ZNF777: variants seen among roughly 807,000 people sequenced by gnomAD.
ZNF777 encodes zinc finger protein 777.
In ZNF777, 7 loss-of-function variants were observed where a neutral mutation model predicts 72.1. The ratio of observed to expected loss-of-function variants is 0.10; its 90% CI spans 0.06 to 0.18. The LOEUF (loss-of-function observed/expected upper bound fraction) is 0.18, where lower values mean the gene tolerates loss of function less well. ZNF777 is among the 10% of genes least tolerant of loss of function. The pLI, the probability that ZNF777 is intolerant of heterozygous loss-of-function variation, is 1.00. For synonymous variants in ZNF777, 545 were observed against 483.5 expected (o/e 1.13, Z -1.67); for missense variants, 828 against 1,128.6 (o/e 0.73, Z 3.82).
At chr7:149,433,106 CG>C (rs1378260390) in intron 5 of ZNF777, among the ~76,000 whole-genome samples, 174 bp from the exon 6 acceptor site, 18 of 152,350 alleles carry the variant, frequency 1.2e-4, no homozygotes, top group African/African-American at 4.1e-4. Context: ...CCTCCCCCAA[CG>C]GGGTAGACGC....
In ZNF777 at chr7:149,460,060, G is replaced by A; in HGVS notation, c.-16+755C>T. On this transcript the variant is annotated intron_variant, in intron 1 of 5. Coordinates refer to ENST00000247930, the MANE Select transcript of ZNF777 (RefSeq NM_015694.3). This position sits in a 1 kb window ranked among gnomAD's most constrained non-coding sequence, Gnocchi z 6.1. ...TCCCAGGCCGGGCCGCCGAGCCCGG[G>A]ACACGCAGGCCGTCCCCGGGGCCCC... The A allele has an allele frequency of 1.0e-6, 1 of 982,528 alleles. No individual in the cohort carries two copies. Among genetic ancestry groups the A allele is most frequent in the Non-Finnish European group, 1.2e-6 (1 of 828,820 alleles). 60.9% of individuals were successfully genotyped at this position (982,528 alleles called of 1,614,324 possible). A position where few individuals can be genotyped will look rare whatever the true frequency, so the allele number is the denominator to read the frequency against.
chr7:149,433,118 G>A (rs1418982141), intron 5 of ZNF777, among the ~76,000 whole-genome samples, 186 bp from the exon 6 acceptor site: 1 of 152,330 alleles, frequency 6.6e-6, no homozygotes, highest in African/African-American at 2.4e-5. Context: ...GGGTAGACGC[G>A]TAACCCAGAC....
chr7:149,451,071 G>A lies in ZNF777; in HGVS notation c.1015C>T (p.Arg339Cys), dbSNP rs770757126. 32 of 1,613,786 alleles carry A rather than the reference G, an allele frequency of 2.0e-5. No individual in the cohort carries two copies. Among genetic ancestry groups the A allele is most frequent in the Middle Eastern group, 3.3e-4 (2 of 6,084 alleles). The change falls in exon 4 of 6, where the codon CGC (arginine) becomes TGC (cysteine). Residue 339 changes from arginine (R) to cysteine (C), a missense_variant. Transcript: ENST00000247930. ...TCCTGCATGGTGGGCCGCTCCCCGCGCTCCATCTGTGACATGAGGTCTGGT... is the reference window on the plus strand; with the variant it reads ...TCCTGCATGGTGGGCCGCTCCCCGCACTCCATCTGTGACATGAGGTCTGGT... The part of the protein sequence containing the change: ...SKPDLMSQME[R>C]GERPTMQEQE...
intron 3 of ZNF777, among the ~76,000 whole-genome samples, chr7:149,452,616 G>C (rs1401160530): frequency 2.1e-5 from 3 of 144,298 alleles, no homozygotes; most frequent in Admixed American, 6.9e-5. Context: ...CTGGGCAACA[G>C]AGCGAGACTC....
At chr7:149,443,788 T>C (rs1478310213) in intron 4 of ZNF777, among the ~76,000 whole-genome samples, 1 of 152,182 alleles carries the variant, frequency 6.6e-6, no homozygotes, top group African/African-American at 2.4e-5. Flanking sequence ...AGATGGGGTT[T>C]TACCATGTTG....
chr7:149,431,752 GGGCGGC>G lies in ZNF777; in HGVS notation c.*18_*23del, dbSNP rs540653810. 24 of 1,430,938 alleles carry G rather than the reference GGGCGGC, an allele frequency of 1.7e-5. No individual in the cohort carries two copies. Among genetic ancestry groups the G allele is most frequent in the Middle Eastern group, 2.1e-4 (1 of 4,714 alleles). The allele number at this position is 1,430,938 out of a possible 1,614,324, so 88.6% of individuals were successfully genotyped here. A position where few individuals can be genotyped will look rare whatever the true frequency, so the allele number is the denominator to read the frequency against. On this transcript the variant is annotated 3_prime_UTR_variant, in exon 6 of 6. Transcript: ENST00000247930. ...GGGGGCACGGCCCGCGCACCTGGCCGGGCGGCGGCGGCGGGGCGCGCGCTCACTCGC... is the reference window on the plus strand; with the variant it reads ...GGGGGCACGGCCCGCGCACCTGGCCGGGCGGCGGGGCGCGCGCTCACTCGC...
Position 149,454,244 on chromosome 7 carries a change from C to T in ZNF777, c.847-7G>A. The T allele has an allele frequency of 6.2e-7, 1 of 1,614,004 alleles. No homozygotes were observed. The highest frequency in any genetic ancestry group is 8.5e-7 in the Non-Finnish European group (1 of 1,179,968). ...CATCAAATGTGACAGGGACCTGAAACCACACAATAACTCGGCTCAGACCCG... is the reference window on the plus strand; with the variant it reads ...CATCAAATGTGACAGGGACCTGAAATCACACAATAACTCGGCTCAGACCCG... On this transcript the variant is annotated splice_region_variant and splice_polypyrimidine_tract_variant and intron_variant, in intron 2 of 5. Coordinates refer to ENST00000247930, the MANE Select transcript of ZNF777 (RefSeq NM_015694.3).
intron 4 of ZNF777, among the ~76,000 whole-genome samples, chr7:149,440,509 T>C (rs1799490416): frequency 6.6e-6 from 1 of 151,968 alleles, no homozygotes; most frequent in Admixed American, 6.6e-5. Context: ...AGGCAAGTGC[T>C]ACCATGCCCA....
At position 149,449,184 on chromosome 7, in the gene ZNF777, G is replaced by A. The variant is rs1456215883; in HGVS notation, c.1087+1815C>T. On this transcript the variant is annotated intron_variant, in intron 4 of 5. Coordinates refer to ENST00000247930, the MANE Select transcript of ZNF777 (RefSeq NM_015694.3). ...GTTTAGCACAGAGGTGCGAGTGTGC[G>A]GCCCACTCTGAGGGGCAGCGGTACC... Among the ~76,000 whole-genome samples, 12 of 152,286 alleles carry A rather than the reference G, an allele frequency of 7.9e-5. No homozygotes were observed. In the South Asian group the frequency reaches 8.3e-4, roughly 11 times the overall value.
intron 4 of ZNF777, among the ~76,000 whole-genome samples, chr7:149,439,936 T>C (rs1799478725): frequency 6.6e-6 from 1 of 152,244 alleles, no homozygotes; most frequent in East Asian, 1.9e-4. Flanking sequence ...ATATTCTTAT[T>C]GTAGAATGTA....
chr7:149,457,433 T>C (rs146524457), intron 1 of ZNF777, among the ~76,000 whole-genome samples: 3 of 152,314 alleles, frequency 2.0e-5, no homozygotes, highest in East Asian at 1.9e-4. Flanking sequence ...ATAGCCCCAG[T>C]GTTCAGTCTG....
rs1323231446 is a variant in ZNF777 at position 149,440,664 on chromosome 7, TG to T, written c.1088-3839del. Among the ~76,000 whole-genome samples the T allele has an allele frequency of 4.7e-3, 553 of 116,734 alleles. 1 individual carries two copies. Among genetic ancestry groups the T allele is most frequent in the African/African-American group, 0.018 (447 of 25,156 alleles). 76.6% of individuals were successfully genotyped at this position (116,734 alleles called of 152,430 possible). A position where few individuals can be genotyped will look rare whatever the true frequency, so the allele number is the denominator to read the frequency against. ...TGAGCCACCATGCCCAGCAGCCTGT[TG>T]TTTTTTTGTTTTTTTTTTTTTTTTT... is the stretch of plus-strand genomic sequence containing the variant. On this transcript the variant is annotated intron_variant, in intron 4 of 5. Coordinates refer to ENST00000247930, the MANE Select transcript of ZNF777 (RefSeq NM_015694.3).
rs749069728 is a variant in ZNF777 at position 149,432,379 on chromosome 7, ACCG to A, written c.1890_1892del (p.Gly632del). 48 of 1,612,688 alleles carry A rather than the reference ACCG, an allele frequency of 3.0e-5. No individual in the cohort carries two copies. The highest frequency in any genetic ancestry group is 4.1e-5 in the Non-Finnish European group (48 of 1,179,954). ...CGGGGCACTTGTAGGGCTTAGGGCC[ACCG>A]CCGCCGCTACCAGAGCTGGGTGACT... On this transcript the variant is annotated inframe_deletion, in exon 6 of 6. Transcript: ENST00000247930.
In ZNF777 at chr7:149,455,090, C is replaced by A. The variant is rs1296861825; in HGVS notation, c.846+87G>T. On this transcript the variant is annotated intron_variant, in intron 2 of 5. Transcript: ENST00000247930. The surrounding 1 kb of genome is among the most constrained non-coding windows in gnomAD (Gnocchi z 4.2). ...ACTGTATTTTTTCCTTTATCAACCA[C>A]CCCTTTCTTTCATATTACACTACAT... is the stretch of plus-strand genomic sequence containing the variant. 13 of 1,473,182 alleles carry A rather than the reference C, an allele frequency of 8.8e-6. No individual in the cohort carries two copies. Among genetic ancestry groups the A allele is most frequent in the Non-Finnish European group, 1.1e-5 (12 of 1,097,134 alleles). 91.3% of individuals were successfully genotyped at this position (1,473,182 alleles called of 1,614,324 possible).
chr7:149,459,779 G>A (rs1477304861), intron 1 of ZNF777: 2 of 984,864 alleles, frequency 2.0e-6, no homozygotes, highest in African/African-American at 3.5e-5. Flanking sequence ...GCTCCGCGGG[G>A]CCGAGCTCTG....
chr7:149,448,510 T>TATATATATATATATATATATATAAAA (rs1351675498), intron 4 of ZNF777, among the ~76,000 whole-genome samples: 2 of 122,364 alleles, frequency 1.6e-5, no homozygotes, highest in African/African-American at 7.6e-5. Flanking sequence ...TATATATATA[T>TATATATATATATATATATATATAAAA]AACTATATAT....
At chr7:149,457,627 T>A (rs377027479) in intron 1 of ZNF777, among the ~76,000 whole-genome samples, 47 of 152,342 alleles carry the variant, frequency 3.1e-4, no homozygotes, top group Admixed American at 1.9e-3. Flanking sequence ...TGTGACAGCA[T>A]CACACTTTTA....
intron 3 of ZNF777, 116 bp from the exon 4 acceptor site, chr7:149,451,228 T>C (rs4727071): frequency 0.59 from 513,607 of 864,996 alleles, 155,547 homozygotes; most frequent in East Asian, 0.8. Context: ...GAGACCACAA[T>C]GGAAAACCGC....
At chr7:149,437,128 T>TA (rs1231782368) in intron 4 of ZNF777, among the ~76,000 whole-genome samples, 2 of 152,174 alleles carry the variant, frequency 1.3e-5, no homozygotes, top group Admixed American at 1.3e-4. Flanking sequence ...ATTTTTTCAA[T>TA]AGAGAAAGGT....
Sources: allele counts gnomAD v4.1 joint callset (sites outside exome capture counted in the v4.1 genomes callset), GRCh38; gene constraint gnomAD v4.1.1; non-coding constraint Gnocchi (gnomAD v3.1); transcripts MANE v1.5; gene names NCBI Gene and HGNC (gene_info 2026-07-23, HGNC 2026-07-21).